Variants in SLC7A7 observed in about 807,000 individuals in gnomAD.
SLC7A7 encodes the protein solute carrier family 7 member 7, also known as Y+L amino acid transporter 1.
Under a neutral mutation model 47.9 loss-of-function variants are expected in SLC7A7, and 39 were observed. The observed-to-expected ratio is 0.81, with a 90% CI of 0.63 to 1.06. SLC7A7 has a LOEUF of 1.06. SLC7A7 is among the 50% of genes least tolerant of loss of function. The pLI, the probability that SLC7A7 is intolerant of heterozygous loss-of-function variation, is 0.00. For synonymous variants in SLC7A7, 234 were observed against 242.8 expected (o/e 0.96, Z 0.34); for missense variants, 588 against 632.0 (o/e 0.93, Z 0.75).
chr14:22,792,475 G>T (rs773556077), intron 2 of SLC7A7, among the ~76,000 whole-genome samples: 3 of 152,090 alleles, frequency 2.0e-5, no homozygotes, highest in Non-Finnish European at 2.9e-5. Context: ...AGGTGGGAAG[G>T]TCACTTGAGT....
At chr14:22,788,506 C>A (rs549887377) in intron 2 of SLC7A7, among the ~76,000 whole-genome samples, 1 of 151,790 alleles carries the variant, frequency 6.6e-6, no homozygotes, top group Admixed American at 6.6e-5. Flanking sequence ...AGTTTGAGAT[C>A]AGCCTGGCCA....
At chr14:22,809,139 G>A (rs1030111896) in intron 2 of SLC7A7, among the ~76,000 whole-genome samples, 1 of 152,180 alleles carries the variant, frequency 6.6e-6, no homozygotes, top group African/African-American at 2.4e-5. Flanking sequence ...CTCTGCATAC[G>A]AACCATAACT....
intron 2 of SLC7A7, among the ~76,000 whole-genome samples, chr14:22,791,749 A>T (rs983681226): frequency 6.6e-6 from 1 of 151,946 alleles, no homozygotes; most frequent in Non-Finnish European, 1.5e-5. Flanking sequence ...ACCTAAACCC[A>T]GAGATTTCAA....
Position 22,774,081 on chromosome 14 carries a change from G to A in SLC7A7, c.1281C>T (p.Cys427=), listed in dbSNP as rs763739193. ...SVFFPIVFCL[C]TIFLVAVPLY... is the part of the protein sequence containing the mutation. ...GTGGAACAGCCACCAGGAAGATGGT[G>A]CAGAGGCAGAAGACAATCGGGAAGA... The change falls in exon 9 of 10, where the codon TGC becomes TGT. Residue 427 remains cysteine, a synonymous_variant. Coordinates refer to ENST00000674313, the MANE Select transcript of SLC7A7 (RefSeq NM_003982.4). 156 of 1,614,194 alleles carry A rather than the reference G, an allele frequency of 9.7e-5. No individual in the cohort carries two copies. The highest frequency in any genetic ancestry group is 1.3e-4 in the Non-Finnish European group (148 of 1,180,044).
chr14:22,812,262 G>A (rs2039322155), intron 2 of SLC7A7, among the ~76,000 whole-genome samples: 1 of 152,018 alleles, frequency 6.6e-6, no homozygotes, highest in East Asian at 1.9e-4. Flanking sequence ...TGCCTCCTGG[G>A]TTCAAGCGAT....
intron 2 of SLC7A7, among the ~76,000 whole-genome samples, chr14:22,799,838 T>C (rs1320598917): frequency 6.6e-6 from 1 of 152,166 alleles, no homozygotes; most frequent in South Asian, 2.1e-4. Flanking sequence ...TCTAGATATA[T>C]ATGAATATTC....
chr14:22,799,448 C>CTTTTTTTTTTTTTT (rs56375225), intron 2 of SLC7A7, among the ~76,000 whole-genome samples: 8 of 76,170 alleles, frequency 1.1e-4, no homozygotes, highest in Non-Finnish European at 1.8e-4. Context: ...TTTTTTCTTT[C>CTTTTTTTTTTTTTT]TTTTTTTTTT....
chr14:22,807,406 C>A (rs748342840), intron 2 of SLC7A7, among the ~76,000 whole-genome samples: 7 of 152,096 alleles, frequency 4.6e-5, no homozygotes, highest in Non-Finnish European at 8.8e-5. Flanking sequence ...CCCCATACCC[C>A]TGCTTAATAA....
At chr14:22,795,107 G>A (rs1885591) in intron 2 of SLC7A7, among the ~76,000 whole-genome samples, 133,050 of 138,924 alleles carry the variant, frequency 0.96, 63,995 homozygotes, top group East Asian at 1. Context: ...TTGAGACAGC[G>A]TCTCACTCTG....
chr14:22,813,521 T>A (rs898416872), intron 1 of SLC7A7, 81 bp from the exon 2 acceptor site: 63 of 1,255,430 alleles, frequency 5.0e-5, no homozygotes, highest in Non-Finnish European at 5.9e-5. Context: ...CACAGGGTAA[T>A]ACGGGCAGCT....
intron 2 of SLC7A7, among the ~76,000 whole-genome samples, chr14:22,787,649 A>G (rs1359373301): frequency 6.6e-6 from 1 of 151,308 alleles, no homozygotes; most frequent in South Asian, 2.1e-4. Flanking sequence ...CCAGCTACTC[A>G]GGAGGCTGAG....
chr14:22,814,058 G>A (rs1414564699), intron 1 of SLC7A7, among the ~76,000 whole-genome samples: 1 of 151,590 alleles, frequency 6.6e-6, no homozygotes, highest in Non-Finnish European at 1.5e-5. Flanking sequence ...CCAAAGTGCT[G>A]GGATTACAGG....
rs948425301 is a variant in SLC7A7, at chr14:22,792,628, G to A, written c.500-12577C>T. Among the ~76,000 whole-genome samples the A allele has an allele frequency of 2.6e-5, 4 of 152,048 alleles. No homozygotes were observed. In the South Asian group the frequency reaches 6.2e-4, roughly 24 times the overall value. ...TCCCAGCATTTTGGGAAGCCGAAGT[G>A]GGCGGATCACCTGAGGTCAAGCGTT... On this transcript the variant is annotated intron_variant, in intron 2 of 9. Transcript: ENST00000674313.
chr14:22,774,079 G>A lies in SLC7A7; in HGVS notation c.1283C>T (p.Thr428Ile), dbSNP rs1276148099. Residue 428 changes from threonine to isoleucine, a missense_variant, in exon 9 of 10, where the codon ACC (threonine) becomes ATC (isoleucine). By Grantham distance (89) the Thr-to-Ile change is moderately conservative (BLOSUM62 -1). Coordinates refer to ENST00000674313, the MANE Select transcript of SLC7A7 (RefSeq NM_003982.4). ...VFFPIVFCLC[T>I]IFLVAVPLYS... is the part of the protein sequence containing the mutation. Reference sequence around the variant, plus strand: ...AAGTGGAACAGCCACCAGGAAGATGGTGCAGAGGCAGAAGACAATCGGGAA... The same window carrying A: ...AAGTGGAACAGCCACCAGGAAGATGATGCAGAGGCAGAAGACAATCGGGAA... 1 of 1,614,170 alleles carries A rather than the reference G, an allele frequency of 6.2e-7. No homozygotes were observed.
chr14:22,774,468 G>T lies in SLC7A7; in HGVS notation c.1131C>A (p.Asp377Glu), dbSNP rs2038554561. Reference sequence around the variant, plus strand: ...TGTAGTAGTTAATGAGCTGGAAGATGTCTTCCACGCACAAGTAGATCAATG... The same window carrying T: ...TGTAGTAGTTAATGAGCTGGAAGATTTCTTCCACGCACAAGTAGATCAATG... ...IMALIYLCVE[D>E]IFQLINYYSF... Residue 377 changes from aspartate (D) to glutamate (E), a missense_variant, in exon 8 of 10, where the codon GAC (aspartate) becomes GAA (glutamate). Transcript: ENST00000674313. 1 of 1,614,134 alleles carries T rather than the reference G, an allele frequency of 6.2e-7. No homozygotes were observed. The highest frequency in any genetic ancestry group is 1.1e-5 in the South Asian group (1 of 91,082).
intron 2 of SLC7A7, 99 bp from the exon 3 acceptor site, chr14:22,780,150 A>G: frequency 6.5e-7 from 1 of 1,535,286 alleles, no homozygotes; most frequent in Non-Finnish European, 9.0e-7. Context: ...AGATATATAT[A>G]CCCTTCAGCC....
chr14:22,785,750 G>A (rs1566447090), intron 2 of SLC7A7, among the ~76,000 whole-genome samples: 3 of 149,992 alleles, frequency 2.0e-5, no homozygotes, highest in South Asian at 2.1e-4. Flanking sequence ...AAAGCCAGGC[G>A]CGGTGGCTCA....
intron 2 of SLC7A7, among the ~76,000 whole-genome samples, chr14:22,791,925 C>A (rs188639971): frequency 6.6e-6 from 1 of 151,684 alleles, no homozygotes; most frequent in African/African-American, 2.4e-5. Flanking sequence ...AGCTCCGCCT[C>A]CTGGGTTCAC....
In SLC7A7 at chr14:22,807,265, C is replaced by T. The variant is rs773896361; in HGVS notation, c.499+5635G>A. Among the ~76,000 whole-genome samples, 16 of 152,260 alleles carry T rather than the reference C, an allele frequency of 1.1e-4. 2 individuals carry two copies. Among genetic ancestry groups the T allele is most frequent in the Middle Eastern group, 6.8e-3 (2 of 294 alleles). ...CACTCCACAGTGCAGATATTCATCACCCTTCACATGGATTCAGGTTTCAGC... is the reference window on the plus strand; with the variant it reads ...CACTCCACAGTGCAGATATTCATCATCCTTCACATGGATTCAGGTTTCAGC... On this transcript the variant is annotated intron_variant, in intron 2 of 9. Coordinates refer to ENST00000674313, the MANE Select transcript of SLC7A7 (RefSeq NM_003982.4).
Sources: allele counts gnomAD v4.1 joint callset (sites outside exome capture counted in the v4.1 genomes callset), GRCh38; gene constraint gnomAD v4.1.1; transcripts MANE v1.5; gene names NCBI Gene and HGNC (gene_info 2026-07-23, HGNC 2026-07-21).